Variants in CCSER1 observed in about 807,000 individuals in gnomAD.
CCSER1 encodes serine-rich coiled-coil domain-containing protein 1.
In CCSER1, 41 loss-of-function variants were observed where a neutral mutation model predicts 82.0. The observed-to-expected ratio is 0.50, with a 90% CI of 0.39 to 0.65. The LOEUF (loss-of-function observed/expected upper bound fraction) is 0.65, where lower values mean the gene tolerates loss of function less well. Among genes scored for constraint, CCSER1 ranks in the 30% least tolerant of loss-of-function variants. The pLI, the probability that CCSER1 is intolerant of heterozygous loss-of-function variation, is 0.00. For missense variants in CCSER1, 1,119 were observed against 1,064.2 expected, an observed-to-expected ratio of 1.05 and a Z score of -0.72; for synonymous variants, 414 against 383.9, an observed-to-expected ratio of 1.08 and a Z score of -0.92.
intron 10 of CCSER1, among the ~76,000 whole-genome samples, chr4:91,514,131 T>C (rs867766132): frequency 2.0e-5 from 3 of 152,168 alleles, no homozygotes; most frequent in Non-Finnish European, 4.4e-5. Flanking sequence ...TTTTGCTGCA[T>C]CCCCTAGATT....
rs773609223 is a variant in CCSER1, at chr4:91,599,747, T to C, written c.*690T>C. On this transcript the variant is annotated 3_prime_UTR_variant, in exon 11 of 11. Transcript: ENST00000509176. ...CAAATAGAGAATGACAGCTCTGATC[T>C]TTGAAAAATTTTGCTTTTAGTTTTT... is the stretch of plus-strand genomic sequence containing the variant. The C allele has an allele frequency of 6.6e-6, 1 of 152,144 alleles. No individual in the cohort carries two copies. The highest frequency in any genetic ancestry group is 1.5e-5 in the Non-Finnish European group (1 of 67,996). The allele number at this position is 152,144 out of a possible 1,614,324, so 9.4% of individuals were successfully genotyped here.
chr4:90,671,448 G>A (rs994323195), intron 6 of CCSER1, among the ~76,000 whole-genome samples: 2 of 151,976 alleles, frequency 1.3e-5, no homozygotes, highest in Non-Finnish European at 2.9e-5. Flanking sequence ...TTCCTCCCAA[G>A]GAAACACTTT....
intron 1 of CCSER1, among the ~76,000 whole-genome samples, chr4:90,130,959 T>G (rs2153312844): frequency 6.6e-6 from 1 of 152,204 alleles, no homozygotes; most frequent in Non-Finnish European, 1.5e-5. Context: ...ATTTACACAT[T>G]TAAGAAGACA....
intron 10 of CCSER1, among the ~76,000 whole-genome samples, chr4:91,475,695 A>G (rs1047661541): frequency 2.6e-5 from 4 of 151,866 alleles, no homozygotes; most frequent in Non-Finnish European, 4.4e-5. Context: ...GAAATATACT[A>G]TAAATTCTTG....
intron 8 of CCSER1, among the ~76,000 whole-genome samples, chr4:90,842,895 T>A (rs376083356): frequency 2.0e-5 from 3 of 152,124 alleles, no homozygotes; most frequent in African/African-American, 4.8e-5. Flanking sequence ...TTACAGTTTT[T>A]ATCATGTTTG....
chr4:90,693,267 AATT>A (rs1342508955), intron 6 of CCSER1: 20 of 151,924 alleles, frequency 1.3e-4, no homozygotes, highest in African/African-American at 4.8e-4. Context: ...AAAACTTTAA[AATT>A]ATTATTTCCA....
intron 10 of CCSER1, among the ~76,000 whole-genome samples, chr4:91,148,400 A>T (rs1042703877): frequency 7.2e-5 from 11 of 152,126 alleles, no homozygotes; most frequent in Admixed American, 2.0e-4. Flanking sequence ...GGAATAGATT[A>T]AAAAAATAAA....
At chr4:90,291,716 A>G (rs554814233) in intron 1 of CCSER1, among the ~76,000 whole-genome samples, 23 of 152,016 alleles carry the variant, frequency 1.5e-4, no homozygotes, top group Non-Finnish European at 3.1e-4. Flanking sequence ...CTCCTTTTAA[A>G]AAAACTTTTA....
chr4:91,349,276 T>C (rs991178917), intron 10 of CCSER1, among the ~76,000 whole-genome samples: 1 of 152,208 alleles, frequency 6.6e-6, no homozygotes, highest in Non-Finnish European at 1.5e-5. Context: ...TTTTTTACTG[T>C]TTGCTGTAGC....
chr4:90,135,004 G>GT (rs1043013010), intron 1 of CCSER1, among the ~76,000 whole-genome samples: 7 of 152,026 alleles, frequency 4.6e-5, no homozygotes, highest in East Asian at 3.9e-4. Context: ...ATTAAAAAAT[G>GT]TTTTTTTAAC....
chr4:91,297,464 C>G (rs1194109444), intron 10 of CCSER1, among the ~76,000 whole-genome samples: 1 of 148,698 alleles, frequency 6.7e-6, no homozygotes, highest in Non-Finnish European at 1.5e-5. Context: ...AAAAAATCTT[C>G]TAGTATGATG....
intron 10 of CCSER1, among the ~76,000 whole-genome samples, chr4:91,347,484 T>A (rs1014670576): frequency 1.5e-5 from 2 of 131,450 alleles, no homozygotes; most frequent in Non-Finnish European, 3.0e-5. Context: ...CACATTATTA[T>A]TTTTTTTTTG....
At chr4:91,461,548 CT>C (rs1230096563) in intron 10 of CCSER1, among the ~76,000 whole-genome samples, 1 of 152,102 alleles carries the variant, frequency 6.6e-6, no homozygotes, top group Non-Finnish European at 1.5e-5. Flanking sequence ...CCAGGACGTC[CT>C]TTTATCACTG....
chr4:90,149,182 TC>T (rs1726356105), intron 1 of CCSER1, among the ~76,000 whole-genome samples: 1 of 152,146 alleles, frequency 6.6e-6, no homozygotes, highest in Admixed American at 6.6e-5. Context: ...GTGATATTTT[TC>T]TTATTTTGAA....
At chr4:91,278,980 C>T (rs1742690772) in intron 10 of CCSER1, among the ~76,000 whole-genome samples, 1 of 152,020 alleles carries the variant, frequency 6.6e-6, no homozygotes, top group Non-Finnish European at 1.5e-5. Flanking sequence ...TCAGCTTTTG[C>T]TGACCTGGGA....
At chr4:90,446,416 A>T (rs1003369348) in intron 4 of CCSER1, among the ~76,000 whole-genome samples, 1 of 152,146 alleles carries the variant, frequency 6.6e-6, no homozygotes, top group Non-Finnish European at 1.5e-5. Context: ...AGACTAATCA[A>T]CTATGTCTCG....
At chr4:91,133,462 C>T (rs1728181450) in intron 10 of CCSER1, among the ~76,000 whole-genome samples, 2 of 152,060 alleles carry the variant, frequency 1.3e-5, no homozygotes, top group African/African-American at 4.8e-5. Flanking sequence ...TCTGATTACT[C>T]CCTGTTAGAG....
chr4:90,808,798 A>G (rs563012239), intron 7 of CCSER1, among the ~76,000 whole-genome samples: 2 of 152,330 alleles, frequency 1.3e-5, no homozygotes, highest in East Asian at 1.9e-4. Flanking sequence ...TGATGAGACT[A>G]TAAATTAGTA....
intron 10 of CCSER1, among the ~76,000 whole-genome samples, chr4:91,533,817 T>C (rs1301198044): frequency 6.6e-6 from 1 of 152,102 alleles, no homozygotes; most frequent in Non-Finnish European, 1.5e-5. Flanking sequence ...GTTTAAACAT[T>C]ATTCATTCAC....
Sources: gnomAD v4.1 joint callset for allele counts (sites outside exome capture counted in the v4.1 genomes callset) on GRCh38, gnomAD v4.1.1 for gene constraint, MANE v1.5 for transcripts, NCBI Gene and HGNC (gene_info 2026-07-23, HGNC 2026-07-21) for gene names.